RPN2: variants seen among roughly 807,000 people sequenced by gnomAD.
RPN2 encodes the protein ribophorin II.
In RPN2, 29 loss-of-function variants were observed where a neutral mutation model predicts 71.4. The observed-to-expected ratio is 0.41, with a 90% CI of 0.30 to 0.55. The LOEUF (loss-of-function observed/expected upper bound fraction) is 0.55. Among genes scored for constraint, RPN2 ranks in the 20% least tolerant of loss-of-function variants. The pLI is 0.35. For synonymous variants in RPN2, 308 were observed against 305.0 expected (o/e 1.01, Z -0.10); for missense variants, 726 against 774.1 (o/e 0.94, Z 0.74).
At chr20:37,180,657 C>T (rs560061829) in intron 1 of RPN2, among the ~76,000 whole-genome samples, 2 of 152,296 alleles carry the variant, frequency 1.3e-5, no homozygotes, top group Admixed American at 6.5e-5. Context: ...ATCTTGACTC[C>T]GCTCTCTCTT....
At chr20:37,207,559 C>A in intron 7 of RPN2, 110 bp downstream of exon 7, 1 of 1,027,234 alleles carries the variant, frequency 9.7e-7, no homozygotes, top group Non-Finnish European at 1.5e-6. Context: ...AAGGACATAC[C>A]CATTAAATGG....
At chr20:37,224,143 T>A (rs1449079945) in intron 10 of RPN2, among the ~76,000 whole-genome samples, 174 bp downstream of exon 10, 1 of 152,234 alleles carries the variant, frequency 6.6e-6, no homozygotes, top group Admixed American at 6.5e-5. Flanking sequence ...CTGCGAATTA[T>A]CTAAGTGGAT....
chr20:37,203,361 C>CTTT (rs11348988), intron 4 of RPN2, among the ~76,000 whole-genome samples: 14 of 138,112 alleles, frequency 1.0e-4, no homozygotes, highest in African/African-American at 1.1e-4. Flanking sequence ...TTGCTTCAAT[C>CTTT]TTTTTTTTTT....
At position 37,213,840 on chromosome 20, in the gene RPN2, A is replaced by G. The variant is rs890281212; in HGVS notation, c.1067A>G (p.Asn356Ser). 5.6e-6 allele frequency: 9 copies of G among 1,613,640 alleles called. No individual in the cohort carries two copies. The highest frequency in any genetic ancestry group is 3.3e-5 in the South Asian group (3 of 91,086). The change falls in exon 9 of 17, where the codon AAC becomes AGC. Residue 356 changes from asparagine to serine, a missense_variant. By Grantham distance (46) the Asn-to-Ser change is conservative. Transcript: ENST00000237530. Reference protein sequence around the residue: ...YDFLVEVEGDNRYIANTVELR... With the variant: ...YDFLVEVEGDSRYIANTVELR... Reference sequence around the variant, plus strand: ...TTCCTTGTCGAAGTTGAAGGTGACAACCGGTATATTGCAAATACCGTAGAG... The same window carrying G: ...TTCCTTGTCGAAGTTGAAGGTGACAGCCGGTATATTGCAAATACCGTAGAG...
chr20:37,229,923 C>G (rs1181611222), intron 12 of RPN2, 50 bp from the exon 13 acceptor site: 1 of 1,348,952 alleles, frequency 7.4e-7, no homozygotes, highest in Non-Finnish European at 1.1e-6. Context: ...TATTGAGTTT[C>G]ACCCACTTCT....
At chr20:37,230,964 G>T (rs2068227947) in intron 13 of RPN2, among the ~76,000 whole-genome samples, 1 of 151,782 alleles carries the variant, frequency 6.6e-6, no homozygotes, top group Admixed American at 6.6e-5. Context: ...GGAACAGGAG[G>T]CTCAAGTGGG....
At chr20:37,218,263 T>C (rs753894664) in intron 9 of RPN2, among the ~76,000 whole-genome samples, 2 of 151,472 alleles carry the variant, frequency 1.3e-5, no homozygotes, top group Non-Finnish European at 2.9e-5. Context: ...AATTTAAAAA[T>C]AAATTAGCCA....
At chr20:37,200,047 T>G (rs1339424180) in intron 4 of RPN2, among the ~76,000 whole-genome samples, 2 of 151,394 alleles carry the variant, frequency 1.3e-5, no homozygotes, top group African/African-American at 4.9e-5. Flanking sequence ...CAGGCTAGAG[T>G]GCAGTGACGC....
At chr20:37,205,212 T>G (rs1450218185) in intron 6 of RPN2, among the ~76,000 whole-genome samples, 2 of 151,976 alleles carry the variant, frequency 1.3e-5, no homozygotes, top group African/African-American at 4.8e-5. Flanking sequence ...AGTACCCTTT[T>G]CTGCTTGTCG....
At chr20:37,185,096 G>T (rs1259520109) in intron 2 of RPN2, among the ~76,000 whole-genome samples, 2 of 151,940 alleles carry the variant, frequency 1.3e-5, no homozygotes, top group Non-Finnish European at 2.9e-5. Context: ...TGGACTTCTG[G>T]TGAGGAAAAT....
intron 9 of RPN2, among the ~76,000 whole-genome samples, chr20:37,216,798 C>T (rs942504799): frequency 6.6e-6 from 1 of 152,112 alleles, no homozygotes; most frequent in African/African-American, 2.4e-5. Context: ...AGTTGTTTTC[C>T]CCCTTATATT....
At chr20:37,183,376 C>G (rs2066927501) in intron 1 of RPN2, among the ~76,000 whole-genome samples, 1 of 152,164 alleles carries the variant, frequency 6.6e-6, no homozygotes, top group Non-Finnish European at 1.5e-5. Context: ...CCACCACACC[C>G]AGCTAATTTT....
chr20:37,180,131 C>T (rs1316004959), intron 1 of RPN2, among the ~76,000 whole-genome samples: 3 of 152,172 alleles, frequency 2.0e-5, no homozygotes, highest in Non-Finnish European at 2.9e-5. Context: ...GAAGCATGTA[C>T]TCTTGTTACT....
intron 1 of RPN2, among the ~76,000 whole-genome samples, chr20:37,183,957 G>T (rs1450335846): frequency 2.6e-5 from 4 of 152,136 alleles, no homozygotes; most frequent in African/African-American, 9.7e-5. Flanking sequence ...GTAGGATAAG[G>T]CCTGTGCTTT....
intron 9 of RPN2, among the ~76,000 whole-genome samples, chr20:37,220,035 A>G (rs2067912848): frequency 6.6e-6 from 1 of 152,248 alleles, no homozygotes; most frequent in South Asian, 2.1e-4. Flanking sequence ...ATCTAAGTAC[A>G]AAATAGCAGA....
At chr20:37,204,375 G>T (rs997825423) in intron 5 of RPN2, among the ~76,000 whole-genome samples, 1 of 152,130 alleles carries the variant, frequency 6.6e-6, no homozygotes, top group African/African-American at 2.4e-5. Context: ...TCTGGGAAAC[G>T]CTGTGCTTTG....
chr20:37,222,870 G>A (rs1297442951), intron 9 of RPN2, among the ~76,000 whole-genome samples: 1 of 152,118 alleles, frequency 6.6e-6, no homozygotes, highest in Admixed American at 6.5e-5. Flanking sequence ...CTCATTTATT[G>A]GCATTAGCCC....
At chr20:37,216,565 G>A (rs901861995) in intron 9 of RPN2, among the ~76,000 whole-genome samples, 1 of 151,912 alleles carries the variant, frequency 6.6e-6, no homozygotes, top group African/African-American at 2.4e-5. Context: ...GGGTTCAAGC[G>A]ATTCTCCTGC....
intron 2 of RPN2, among the ~76,000 whole-genome samples, chr20:37,196,043 T>C (rs1433505565): frequency 2.6e-5 from 4 of 151,216 alleles, no homozygotes; most frequent in Non-Finnish European, 2.9e-5. Flanking sequence ...CCTGTCCTAC[T>C]CTCCAGGAGC....
Sources: allele counts gnomAD v4.1 joint callset (sites outside exome capture counted in the v4.1 genomes callset), GRCh38; gene constraint gnomAD v4.1.1; transcripts MANE v1.5; gene names NCBI Gene and HGNC (gene_info 2026-07-23, HGNC 2026-07-21).